PRSS55: variants seen among roughly 807,000 people sequenced by gnomAD.
The protein encoded by PRSS55 is probable serine protease UNQ9391/PRO34284.
Under a neutral mutation model 23.6 loss-of-function variants are expected in PRSS55, and 41 were observed. The ratio of observed to expected loss-of-function variants is 1.74; its 90% confidence interval spans 1.35 to 2.26. The LOEUF is 2.26. Ranked by LOEUF, PRSS55 falls within the 30% of genes most tolerant of loss-of-function variation. The pLI, the probability that PRSS55 is intolerant of heterozygous loss-of-function variation, is 0.00. For synonymous variants in PRSS55, 262 were observed against 175.5 expected, an observed-to-expected ratio of 1.49 and a Z score of -3.90; for missense variants, 669 against 439.1, an observed-to-expected ratio of 1.52 and a Z score of -4.68.
intron 4 of PRSS55, among the ~76,000 whole-genome samples, chr8:10,550,418 T>G (rs7011457): frequency 6.6e-6 from 1 of 152,080 alleles, no homozygotes; most frequent in African/African-American, 2.4e-5. Flanking sequence ...AAGCCTGTAC[T>G]AGTCCTGGCT....
chr8:10,537,623 T>A (rs564410472), intron 4 of PRSS55, among the ~76,000 whole-genome samples: 6 of 152,316 alleles, frequency 3.9e-5, no homozygotes, highest in African/African-American at 1.4e-4. Context: ...TACAAAGAAA[T>A]GATAAACGCT....
chr8:10,542,948 T>G (rs1221518137), downstream of PRSS55, among the ~76,000 whole-genome samples: 1 of 150,684 alleles, frequency 6.6e-6, no homozygotes, highest in Non-Finnish European at 1.5e-5. Flanking sequence ...CAGGTGTCTG[T>G]GGCTGTTTTG....
At chr8:10,534,936 G>A (rs921790146) in intron 4 of PRSS55, among the ~76,000 whole-genome samples, 1 of 152,124 alleles carries the variant, frequency 6.6e-6, no homozygotes, top group African/African-American at 2.4e-5. Flanking sequence ...CACAAGCTGA[G>A]AGCCAAATCA....
At chr8:10,530,008 T>C (rs1585868435) in intron 2 of PRSS55, among the ~76,000 whole-genome samples, 1 of 152,166 alleles carries the variant, frequency 6.6e-6, no homozygotes, top group Non-Finnish European at 1.5e-5. Flanking sequence ...TCCTAGGGCA[T>C]TCAAGTCCAT....
At chr8:10,553,498 GAC>G (rs1222451544) in intron 4 of PRSS55, among the ~76,000 whole-genome samples, 2 of 152,162 alleles carry the variant, frequency 1.3e-5, no homozygotes, top group African/African-American at 4.8e-5. Context: ...CATTGACAAT[GAC>G]ACAGATGAAC....
rs757373875 is a variant in PRSS55 at position 10,532,900 on chromosome 8, G to C, written c.599-6G>C. ...GCTTCTCTAATGCGCTTTCTCTCTG[G>C]GCCAGCTGACAAAAACTCTGTGAAA... On this transcript the variant is annotated splice_polypyrimidine_tract_variant and splice_region_variant and intron_variant, in intron 3 of 4. Transcript: ENST00000328655. 19 of 1,613,996 alleles carry C rather than the reference G, an allele frequency of 1.2e-5. No homozygotes were observed. The highest frequency in any genetic ancestry group is 1.6e-5 in the Non-Finnish European group (19 of 1,180,014).
intron 4 of PRSS55, among the ~76,000 whole-genome samples, chr8:10,550,747 C>T (rs59134821): frequency 1.3e-5 from 2 of 152,048 alleles, no homozygotes; most frequent in Non-Finnish European, 2.9e-5. Context: ...CTGAAGATGT[C>T]GCTTTCCATT....
At chr8:10,539,380 C>A (rs12334786), downstream of PRSS55, among the ~76,000 whole-genome samples, 1,954 of 152,352 alleles carry the variant, frequency 0.013, 46 homozygotes, top group African/African-American at 0.044. Flanking sequence ...CCACGCTGCC[C>A]AGGCAGCCTT....
intron 4 of PRSS55, among the ~76,000 whole-genome samples, chr8:10,552,812 C>T (rs137861681): frequency 6.6e-6 from 1 of 152,066 alleles, no homozygotes; most frequent in South Asian, 2.1e-4. Flanking sequence ...GTTTGTACTC[C>T]ATTGGTAGGA....
downstream of PRSS55, among the ~76,000 whole-genome samples, chr8:10,543,446 TC>T (rs1563547310): frequency 0.075 from 1,743 of 23,192 alleles, 143 homozygotes; most frequent in South Asian, 0.17. Context: ...CTTCCTTCCA[TC>T]CTTCCTTCCT....
At chr8:10,550,382 G>C (rs533742974) in intron 4 of PRSS55, among the ~76,000 whole-genome samples, 7 of 152,332 alleles carry the variant, frequency 4.6e-5, no homozygotes, top group African/African-American at 1.7e-4. Context: ...GGAGTCAGCA[G>C]CCTGGCCTCA....
At chr8:10,545,783 G>A (rs915282631) in intron 4 of PRSS55, among the ~76,000 whole-genome samples, 5 of 152,336 alleles carry the variant, frequency 3.3e-5, no homozygotes, top group African/African-American at 7.2e-5. Context: ...GCATCTCAGC[G>A]TCCTAGCCCA....
intron 4 of PRSS55, among the ~76,000 whole-genome samples, chr8:10,537,131 C>A (rs557926453): frequency 6.6e-5 from 10 of 152,150 alleles, no homozygotes; most frequent in Non-Finnish European, 1.3e-4. Context: ...TCTGGGTATA[C>A]GTCCAAAAGA....
At chr8:10,548,148 C>G (rs1227879205) in intron 4 of PRSS55, among the ~76,000 whole-genome samples, 3 of 152,138 alleles carry the variant, frequency 2.0e-5, no homozygotes, top group African/African-American at 4.8e-5. Flanking sequence ...AACAGGCTTC[C>G]TTAGGGAGCT....
At chr8:10,545,497 C>T (rs1338335616) in intron 4 of PRSS55, among the ~76,000 whole-genome samples, 1 of 152,132 alleles carries the variant, frequency 6.6e-6, no homozygotes, top group Non-Finnish European at 1.5e-5. Context: ...CATTTCTATG[C>T]TTATCTCTTC....
At chr8:10,528,882 G>A (rs1812136922) in intron 1 of PRSS55, among the ~76,000 whole-genome samples, 1 of 152,040 alleles carries the variant, frequency 6.6e-6, no homozygotes, top group Non-Finnish European at 1.5e-5. Context: ...CTGGGCCCCT[G>A]CCTTCATCTT....
At chr8:10,526,679 G>T (rs929328672) in intron 1 of PRSS55, among the ~76,000 whole-genome samples, 1 of 152,222 alleles carries the variant, frequency 6.6e-6, no homozygotes, top group African/African-American at 2.4e-5. Context: ...TCAGGACCAA[G>T]AATGTGGGGG....
intron 4 of PRSS55, among the ~76,000 whole-genome samples, chr8:10,545,929 G>A (rs979980209): frequency 9.8e-5 from 15 of 152,288 alleles, no homozygotes; most frequent in South Asian, 2.1e-4. Context: ...CTTTGCTTGC[G>A]TGTGTGAATG....
chr8:10,529,215 A>G (rs569871749), intron 1 of PRSS55, among the ~76,000 whole-genome samples: 1 of 152,340 alleles, frequency 6.6e-6, no homozygotes, highest in South Asian at 2.1e-4. Flanking sequence ...CTCCTGGACG[A>G]GAGCAGAAAC....
Sources: allele counts gnomAD v4.1 joint callset (sites outside exome capture counted in the v4.1 genomes callset), GRCh38; gene constraint gnomAD v4.1.1; transcripts MANE v1.5; gene names NCBI Gene and HGNC (gene_info 2026-07-23, HGNC 2026-07-21).